The following SEC11C variants were observed in gnomAD, a reference collection of about 807,000 sequenced individuals.
SEC11C encodes signal peptidase complex catalytic subunit SEC11C.
A neutral mutation model predicts 21.9 loss-of-function variants in SEC11C; 10 were observed. The ratio of observed to expected loss-of-function variants is 0.46; its 90% CI spans 0.28 to 0.77. The LOEUF is 0.77. Among genes scored for constraint, SEC11C ranks in the 30% least tolerant of loss-of-function variants. SEC11C has a pLI of 0.12. For missense variants in SEC11C, 145 were observed against 244.5 expected (o/e 0.59, Z 2.71); for synonymous variants, 83 against 85.6 (o/e 0.97, Z 0.17).
intron 1 of SEC11C, among the ~76,000 whole-genome samples, chr18:59,142,628 G>A (rs1224869253): frequency 6.6e-6 from 1 of 152,100 alleles, no homozygotes; most frequent in African/African-American, 2.4e-5. Flanking sequence ...TGTTGTTGTT[G>A]GAATCTCAAT....
chr18:59,153,379 A>G (rs1330286760), intron 3 of SEC11C: 1 of 152,184 alleles, frequency 6.6e-6, no homozygotes, highest in Admixed American at 6.5e-5. Flanking sequence ...ATTTACCTTT[A>G]TGCAGCTTAG....
chr18:59,156,662 C>T (rs1299991332), intron 4 of SEC11C: 2 of 152,118 alleles, frequency 1.3e-5, no homozygotes, highest in African/African-American at 4.8e-5. Flanking sequence ...CTTCCCCTCT[C>T]TTGGCAACCC....
Position 59,139,953 on chromosome 18 carries a change from T to A in SEC11C, c.5T>A (p.Val2Glu). M[V>E]RAGAVGAHLP... ...TAGGTCCCCGGAGACCCTGCTATGG[T>A]GCGTGCGGGCGCCGTGGGGGCTCAT... Residue 2 changes from valine (V) to glutamate (E), a missense_variant, in exon 1 of 6, where the codon GTG becomes GAG. By Grantham distance (121) the Val-to-Glu change is moderately radical. Transcript: ENST00000587834. 1.3e-6 allele frequency: 2 copies of A among 1,585,190 alleles called. No homozygotes were observed. The highest frequency in any genetic ancestry group is 1.7e-6 in the Non-Finnish European group (2 of 1,164,314).
chr18:59,152,370 C>A (rs1603377766), intron 2 of SEC11C, among the ~76,000 whole-genome samples, 166 bp from the exon 3 acceptor site: 2 of 152,136 alleles, frequency 1.3e-5, no homozygotes, highest in East Asian at 3.8e-4. Flanking sequence ...GAAGTCATTT[C>A]CTTTCGCACA....
intron 4 of SEC11C, chr18:59,156,646 G>GGA (rs2069421085): frequency 6.6e-6 from 1 of 152,062 alleles, no homozygotes; most frequent in South Asian, 2.1e-4. Flanking sequence ...ACCAAACAAG[G>GGA]GAATTCTTCC....
At chr18:59,155,859 TGAA>T in intron 4 of SEC11C, 52 bp downstream of exon 4, 1 of 1,597,282 alleles carries the variant, frequency 6.3e-7, no homozygotes, top group South Asian at 1.1e-5. Context: ...CACTTAGAAA[TGAA>T]GAAATTAAAT....
Position 59,149,579 on chromosome 18 carries a change from A to T in SEC11C, c.154A>T (p.Ile52Phe), listed in dbSNP as rs760923756. Residue 52 changes from isoleucine to phenylalanine, a missense_variant, in exon 2 of 6, where the codon ATC (isoleucine) becomes TTC (phenylalanine). Physicochemically the swap from Ile to Phe is conservative, Grantham distance 21 (BLOSUM62 0). Transcript: ENST00000587834. The stretch of plus-strand genomic sequence containing the variant: ...TGCACTCATGATATGGAAAGGCTTG[A>T]TCGTGCTCACAGGCAGTGAGAGCCC... ...SSALMIWKGLIVLTGSESPIV... is the reference protein window; with the variant it reads ...SSALMIWKGLFVLTGSESPIV... 20 of 1,613,058 alleles carry T rather than the reference A, an allele frequency of 1.2e-5. No homozygotes were observed. The highest frequency in any genetic ancestry group is 1.7e-5 in the Non-Finnish European group (20 of 1,179,222).
In SEC11C at chr18:59,152,704, C is replaced by A; in HGVS notation, c.347+19C>A. The A allele has an allele frequency of 6.4e-7, 1 of 1,567,448 alleles. No individual in the cohort carries two copies. The highest frequency in any genetic ancestry group is 8.6e-7 in the Non-Finnish European group (1 of 1,162,006). On this transcript the variant is annotated intron_variant, in intron 3 of 5. Transcript: ENST00000587834. ...ATGAAAAGTAAAGAGGCTTTATTTC[C>A]TTTTGGTTTTGTTATGTAAATTTTT...
chr18:59,152,620 A>T lies in SEC11C; in HGVS notation c.282A>T (p.Ile94=). Residue 94 remains isoleucine, a synonymous_variant, in exon 3 of 6, where the codon ATA becomes ATT. Transcript: ENST00000587834. ...AAGACCCAATCAGAGCTGGTGAAAT[A>T]GTTGTTTTTAAAGTTGAAGGACGAG... The part of the protein sequence containing the change: ...FREDPIRAGE[I]VVFKVEGRDI... 1 of 1,613,752 alleles carries T rather than the reference A, an allele frequency of 6.2e-7. No homozygotes were observed. The highest frequency in any genetic ancestry group is 1.6e-4 in the Middle Eastern group (1 of 6,062).
At chr18:59,142,975 A>G (rs1394931232) in intron 1 of SEC11C, among the ~76,000 whole-genome samples, 2 of 152,028 alleles carry the variant, frequency 1.3e-5, no homozygotes, top group African/African-American at 4.8e-5. Context: ...TCTGCTTAGC[A>G]CTCCAGTTTC....
At chr18:59,147,864 C>T (rs2069295670) in intron 1 of SEC11C, 1 of 152,122 alleles carries the variant, frequency 6.6e-6, no homozygotes, top group African/African-American at 2.4e-5. Flanking sequence ...TGGCTCCCAC[C>T]CTATAAGTGA....
At chr18:59,155,233 C>T (rs1050496391) in intron 3 of SEC11C, among the ~76,000 whole-genome samples, 6 of 152,240 alleles carry the variant, frequency 3.9e-5, no homozygotes, top group African/African-American at 1.2e-4. Flanking sequence ...TTGTCAGCAG[C>T]GTTTTTGTGT....
At chr18:59,157,552 C>T (rs2069432185) in intron 4 of SEC11C, 56 bp from the exon 5 acceptor site, 1 of 1,145,028 alleles carries the variant, frequency 8.7e-7, no homozygotes, top group East Asian at 2.3e-5. Flanking sequence ...TCAGATGTTG[C>T]CATCATCATG....
intron 2 of SEC11C, 50 bp from the exon 3 acceptor site, chr18:59,152,486 G>A (rs374995567): frequency 2.0e-5 from 31 of 1,529,418 alleles, no homozygotes; most frequent in African/African-American, 1.5e-4. Flanking sequence ...TATTCTGATC[G>A]CCTTTTGGAC....
At chr18:59,142,273 G>T (rs2069220370) in intron 1 of SEC11C, among the ~76,000 whole-genome samples, 1 of 152,118 alleles carries the variant, frequency 6.6e-6, no homozygotes, top group Non-Finnish European at 1.5e-5. Flanking sequence ...GTTTTTTTGA[G>T]GAATTGATTT....
At chr18:59,141,158 C>T (rs1219321442) in intron 1 of SEC11C, among the ~76,000 whole-genome samples, 1 of 152,078 alleles carries the variant, frequency 6.6e-6, no homozygotes, top group African/African-American at 2.4e-5. Flanking sequence ...CTCTCACTCT[C>T]CTCCCCCTTC....
At chr18:59,157,530 T>C (rs959674543) in intron 4 of SEC11C, 78 bp from the exon 5 acceptor site, 3 of 950,594 alleles carry the variant, frequency 3.2e-6, no homozygotes, top group Non-Finnish European at 5.2e-6. Flanking sequence ...TTAAGACTGA[T>C]CTATAGTGTT....
chr18:59,158,513 A>C, intron 5 of SEC11C, 119 bp from the exon 6 acceptor site: 1 of 790,334 alleles, frequency 1.3e-6, no homozygotes, highest in East Asian at 2.6e-5. Context: ...CATGGGGGGA[A>C]GAGGTAATCT....
chr18:59,141,911 C>G (rs1035398340), intron 1 of SEC11C, among the ~76,000 whole-genome samples: 8 of 152,196 alleles, frequency 5.3e-5, no homozygotes, highest in African/African-American at 1.7e-4. Flanking sequence ...GCTTAAAACT[C>G]TTAGACATTG....
Sources: allele counts gnomAD v4.1 joint callset (sites outside exome capture counted in the v4.1 genomes callset), GRCh38; gene constraint gnomAD v4.1.1; transcripts MANE v1.5; gene names NCBI Gene and HGNC (gene_info 2026-07-23, HGNC 2026-07-21).